Variants in RBFOX1 observed in about 807,000 individuals in gnomAD.
The protein encoded by RBFOX1 is RNA binding protein fox-1 homolog 1.
RBFOX1 carries 8 observed loss-of-function variants against 57.7 expected under a neutral mutation model. The observed-to-expected ratio is 0.14, with a 90% CI of 0.08 to 0.25. The LOEUF is 0.25. RBFOX1 is among the 10% of genes least tolerant of loss of function. The probability of loss-of-function intolerance (pLI) is 1.00; values close to 1 mark genes in which losing one functional copy is unlikely to be tolerated. For missense variants in RBFOX1, 611 were observed against 548.5 expected, an observed-to-expected ratio of 1.11 and a Z score of -1.14; for synonymous variants, 326 against 222.4, an observed-to-expected ratio of 1.47 and a Z score of -4.15.
intron 3 of RBFOX1, among the ~76,000 whole-genome samples, chr16:6,706,074 T>A (rs2062690532): frequency 6.6e-6 from 1 of 152,182 alleles, no homozygotes; most frequent in South Asian, 2.1e-4. Flanking sequence ...GTGGACCACC[T>A]TTCACGCCTA....
At chr16:5,871,862 C>A (rs563093934) in intron 4 of RBFOX1, among the ~76,000 whole-genome samples, 1 of 152,316 alleles carries the variant, frequency 6.6e-6, no homozygotes, top group East Asian at 1.9e-4. Context: ...GCTTTTATTT[C>A]ATGGCAAAGC....
chr16:6,378,708 C>T (rs1452374466), intron 2 of RBFOX1, among the ~76,000 whole-genome samples: 1 of 152,170 alleles, frequency 6.6e-6, no homozygotes, highest in Non-Finnish European at 1.5e-5. Flanking sequence ...GTCAGTCTTC[C>T]CAGTTAAAGC....
chr16:6,719,344 A>G (rs2065471375), intron 3 of RBFOX1, among the ~76,000 whole-genome samples: 1 of 152,222 alleles, frequency 6.6e-6, no homozygotes, highest in African/African-American at 2.4e-5. Context: ...TAAACTCAGA[A>G]AAGACCCCAG....
intron 3 of RBFOX1, among the ~76,000 whole-genome samples, chr16:6,695,573 T>A (rs1487792077): frequency 4.3e-5 from 2 of 46,016 alleles, no homozygotes; most frequent in African/African-American, 7.0e-5. Context: ...GTTTCAAGTA[T>A]GAGATATAGA....
chr16:5,462,185 T>C (rs916319040), intron 1 of RBFOX1, among the ~76,000 whole-genome samples: 10 of 142,238 alleles, frequency 7.0e-5, no homozygotes, highest in Non-Finnish European at 1.2e-4. Flanking sequence ...TTTTTTTTTT[T>C]TGAGATGGAG....
chr16:7,252,042 G>A (rs60200284), intron 4 of RBFOX1, among the ~76,000 whole-genome samples: 1,652 of 152,294 alleles, frequency 0.011, 29 homozygotes, highest in African/African-American at 0.038. Context: ...AGAAAGTGGA[G>A]AAGGATATTG....
intron 1 of RBFOX1, among the ~76,000 whole-genome samples, chr16:6,129,214 G>A (rs2096611878): frequency 1.3e-5 from 2 of 152,018 alleles, no homozygotes; most frequent in Admixed American, 6.6e-5. Context: ...ATGGATATTA[G>A]AATAATCAGA....
At chr16:6,518,406 A>G (rs1052176873) in intron 2 of RBFOX1, among the ~76,000 whole-genome samples, 1 of 152,182 alleles carries the variant, frequency 6.6e-6, no homozygotes, top group African/African-American at 2.4e-5. Flanking sequence ...GGAAAGAAAA[A>G]GTGCACCAAT....
intron 1 of RBFOX1, among the ~76,000 whole-genome samples, chr16:6,212,598 T>A (rs932359476): frequency 6.6e-6 from 1 of 152,020 alleles, no homozygotes; most frequent in Non-Finnish European, 1.5e-5. Flanking sequence ...TCCCAGCTAC[T>A]TGGGAGGCTG....
At chr16:6,119,694 A>T (rs544541361) in intron 1 of RBFOX1, among the ~76,000 whole-genome samples, 2 of 152,170 alleles carry the variant, frequency 1.3e-5, no homozygotes, top group African/African-American at 4.8e-5. Context: ...GGCTCAAATC[A>T]TTCCACAGGG....
At chr16:6,964,501 C>T (rs2083679760) in intron 3 of RBFOX1, among the ~76,000 whole-genome samples, 1 of 152,078 alleles carries the variant, frequency 6.6e-6, no homozygotes, top group Admixed American at 6.6e-5. Flanking sequence ...TAACAAATTG[C>T]ACCTCTGGTA....
intron 4 of RBFOX1, among the ~76,000 whole-genome samples, chr16:7,447,430 C>CAAAAAAAAAAAAAAAAAAAAA (rs202234230): frequency 1.0e-5 from 1 of 98,518 alleles, no homozygotes; most frequent in African/African-American, 3.8e-5. Flanking sequence ...GAGTCTATCT[C>CAAAAAAAAAAAAAAAAAAAAA]AAAAAAAAAA....
intron 4 of RBFOX1, among the ~76,000 whole-genome samples, chr16:7,221,580 T>G (rs1603340693): frequency 6.6e-6 from 1 of 152,124 alleles, no homozygotes; most frequent in East Asian, 1.9e-4. Flanking sequence ...TTGGCCAGGG[T>G]AGTCTTGAAC....
intron 4 of RBFOX1, among the ~76,000 whole-genome samples, chr16:7,328,236 C>G (rs1282664908): frequency 6.6e-6 from 1 of 152,064 alleles, no homozygotes; most frequent in African/African-American, 2.4e-5. Flanking sequence ...AATCCCAGCA[C>G]TTTGGGAGGC....
chr16:5,405,926 G>T (rs1445902027), intron 1 of RBFOX1, among the ~76,000 whole-genome samples: 1 of 152,144 alleles, frequency 6.6e-6, no homozygotes, highest in Non-Finnish European at 1.5e-5. Context: ...AGTCAGTAGG[G>T]AGAACGCTCT....
intron 1 of RBFOX1, among the ~76,000 whole-genome samples, chr16:6,181,003 T>A (rs1054638632): frequency 6.6e-6 from 1 of 152,196 alleles, no homozygotes. Context: ...TGGGTTTGTG[T>A]GTATGTGGAG....
chr16:7,252,236 C>G (rs967802559), intron 4 of RBFOX1, among the ~76,000 whole-genome samples: 2 of 152,192 alleles, frequency 1.3e-5, no homozygotes, highest in Admixed American at 1.3e-4. Context: ...CCCCATATCT[C>G]CATTCATTTA....
intron 1 of RBFOX1, among the ~76,000 whole-genome samples, chr16:6,024,497 T>TC (rs2095148109): frequency 6.6e-6 from 1 of 151,352 alleles, no homozygotes; most frequent in East Asian, 1.9e-4. Context: ...ATCTCCGCTT[T>TC]CTTTTTTTTG....
intron 1 of RBFOX1, among the ~76,000 whole-genome samples, chr16:6,143,246 C>G (rs1479361881): frequency 6.6e-6 from 1 of 152,264 alleles, no homozygotes; most frequent in Middle Eastern, 3.4e-3. Context: ...TTGCATGTTT[C>G]TATGGAAACA....
Sources: gnomAD v4.1 joint callset for allele counts (sites outside exome capture counted in the v4.1 genomes callset) on GRCh38, gnomAD v4.1.1 for gene constraint, MANE v1.5 for transcripts, NCBI Gene and HGNC (gene_info 2026-07-23, HGNC 2026-07-21) for gene names.